KCNMA1: variants seen among roughly 807,000 people sequenced by gnomAD.
KCNMA1 encodes the protein potassium calcium-activated channel subfamily M alpha 1.
A neutral mutation model predicts 140.0 loss-of-function variants in KCNMA1; 29 were observed. The ratio of observed to expected loss-of-function variants is 0.21; its 90% confidence interval spans 0.15 to 0.28. The LOEUF (loss-of-function observed/expected upper bound fraction) is 0.28, where lower values mean the gene tolerates loss of function less well. Ranked by LOEUF, KCNMA1 falls within the 10% of genes least tolerant of loss-of-function variation. KCNMA1 has a pLI of 1.00. For missense variants in KCNMA1, 880 were observed against 1,602.2 expected, an observed-to-expected ratio of 0.55 and a Z score of 7.70; for synonymous variants, 612 against 611.9, an observed-to-expected ratio of 1.00 and a Z score of 0.00.
At chr10:77,114,210 A>T (rs1748839388) in intron 6 of KCNMA1, among the ~76,000 whole-genome samples, 1 of 152,124 alleles carries the variant, frequency 6.6e-6, no homozygotes, top group South Asian at 2.1e-4. Context: ...GTGTTCCTTG[A>T]GTGGATCAAC....
intron 18 of KCNMA1, among the ~76,000 whole-genome samples, chr10:77,003,319 A>G (rs961589148): frequency 6.6e-6 from 1 of 152,018 alleles, no homozygotes; most frequent in Non-Finnish European, 1.5e-5. Context: ...AAAAAAAAAT[A>G]AAAAATAAAA....
chr10:77,010,517 C>T (rs1366686584), intron 18 of KCNMA1, among the ~76,000 whole-genome samples: 2 of 151,752 alleles, frequency 1.3e-5, no homozygotes, highest in East Asian at 3.9e-4. Context: ...ATACTCATCT[C>T]GATAAGAGTC....
At chr10:77,197,656 G>T (rs1289752658) in intron 3 of KCNMA1, among the ~76,000 whole-genome samples, 2 of 152,146 alleles carry the variant, frequency 1.3e-5, no homozygotes, top group Non-Finnish European at 2.9e-5. Flanking sequence ...CACGTTCAGG[G>T]CCATCGGGGA....
intron 14 of KCNMA1, among the ~76,000 whole-genome samples, chr10:77,044,405 G>A (rs967975499): frequency 6.6e-6 from 1 of 151,724 alleles, no homozygotes; most frequent in African/African-American, 2.4e-5. Context: ...CTGTATCCCA[G>A]CACTTTGGAA....
At chr10:77,291,939 C>T (rs2073412491) in intron 2 of KCNMA1, among the ~76,000 whole-genome samples, 2 of 152,188 alleles carry the variant, frequency 1.3e-5, no homozygotes, top group South Asian at 4.1e-4. Flanking sequence ...CAGCTCTGCC[C>T]TGAACATCTT....
intron 1 of KCNMA1, among the ~76,000 whole-genome samples, chr10:77,608,944 C>T (rs1415660169): frequency 6.6e-6 from 1 of 151,330 alleles, no homozygotes; most frequent in Admixed American, 6.6e-5. Context: ...AGAGAGAGAG[C>T]AAGTGCTGGT....
intron 5 of KCNMA1, among the ~76,000 whole-genome samples, chr10:77,171,658 T>C (rs2098709630): frequency 6.6e-6 from 1 of 152,054 alleles, no homozygotes; most frequent in African/African-American, 2.4e-5. Context: ...ACTGCCAAGA[T>C]CATTTAGCCC....
At chr10:77,046,455 G>C (rs575277219) in intron 14 of KCNMA1, among the ~76,000 whole-genome samples, 1 of 152,092 alleles carries the variant, frequency 6.6e-6, no homozygotes, top group Non-Finnish European at 1.5e-5. Context: ...AGAATTGATG[G>C]GCTCTAAGTT....
chr10:76,959,265 T>C (rs1016639124), intron 20 of KCNMA1, among the ~76,000 whole-genome samples: 7 of 152,288 alleles, frequency 4.6e-5, no homozygotes, highest in Non-Finnish European at 1.0e-4. Context: ...CAGTCTGACT[T>C]ATAGAGTCCA....
chr10:77,206,312 T>G (rs1306231422), intron 3 of KCNMA1, among the ~76,000 whole-genome samples: 1 of 152,154 alleles, frequency 6.6e-6, no homozygotes, highest in Non-Finnish European at 1.5e-5. Context: ...TTGAAAAAAA[T>G]GTGTCAACCT....
chr10:76,938,250 C>T (rs543810848), intron 23 of KCNMA1, among the ~76,000 whole-genome samples: 2 of 152,260 alleles, frequency 1.3e-5, no homozygotes, highest in Admixed American at 6.5e-5. Context: ...GCTTTTCATG[C>T]CCATCTGGAT....
chr10:76,872,369 G>A (rs1183894855), downstream of KCNMA1: 1 of 152,208 alleles, frequency 6.6e-6, no homozygotes, highest in Non-Finnish European at 1.5e-5. Context: ...TCAGTTTTGT[G>A]TGCATTCTCA....
chr10:77,409,271 A>G (rs1194260825), intron 1 of KCNMA1, among the ~76,000 whole-genome samples: 2 of 152,184 alleles, frequency 1.3e-5, no homozygotes, highest in Admixed American at 1.3e-4. Flanking sequence ...ATCAAAGACC[A>G]AAGCTTGAGA....
At chr10:77,046,812 T>G (rs961160802) in intron 14 of KCNMA1, among the ~76,000 whole-genome samples, 8 of 152,250 alleles carry the variant, frequency 5.3e-5, no homozygotes, top group Non-Finnish European at 7.3e-5. Flanking sequence ...ATGAAATGTT[T>G]GAGTCTTGTT....
chr10:77,358,119 G>A (rs1019264561), intron 2 of KCNMA1, among the ~76,000 whole-genome samples: 1 of 152,102 alleles, frequency 6.6e-6, no homozygotes, highest in Admixed American at 6.5e-5. Flanking sequence ...GGATGTTAAG[G>A]AAAAGCAGGG....
At chr10:76,890,195 C>G (rs924689054) in intron 26 of KCNMA1, among the ~76,000 whole-genome samples, 16 of 152,196 alleles carry the variant, frequency 1.1e-4, no homozygotes, top group African/African-American at 3.6e-4. Context: ...CTGATCAGTT[C>G]ACAGCCACCT....
At chr10:77,196,896 C>T (rs1262764578) in intron 3 of KCNMA1, among the ~76,000 whole-genome samples, 1 of 151,946 alleles carries the variant, frequency 6.6e-6, no homozygotes, top group Admixed American at 6.6e-5. Context: ...AAAAGAAATG[C>T]AGTGAGAAAA....
chr10:77,296,581 G>A (rs530456220), intron 2 of KCNMA1, among the ~76,000 whole-genome samples: 2 of 152,188 alleles, frequency 1.3e-5, no homozygotes, highest in South Asian at 4.2e-4. Flanking sequence ...CATCACCCTT[G>A]ATTGATCATT....
intron 17 of KCNMA1, among the ~76,000 whole-genome samples, chr10:77,013,588 C>T (rs925576726): frequency 6.6e-6 from 1 of 152,122 alleles, no homozygotes; most frequent in African/African-American, 2.4e-5. Context: ...GGCCATTTTC[C>T]CTCCCCCTTT....
Sources: gnomAD v4.1 joint callset for allele counts (sites outside exome capture counted in the v4.1 genomes callset) on GRCh38, gnomAD v4.1.1 for gene constraint, MANE v1.5 for transcripts, NCBI Gene and HGNC (gene_info 2026-07-23, HGNC 2026-07-21) for gene names.